CEP128: variants seen among roughly 807,000 people sequenced by gnomAD.
CEP128 encodes centrosomal protein 128.
CEP128 carries 132 observed loss-of-function variants against 156.7 expected under a neutral mutation model. The ratio of observed to expected loss-of-function variants is 0.84; its 90% CI spans 0.73 to 0.97. The LOEUF (loss-of-function observed/expected upper bound fraction) is 0.97, where lower values mean the gene tolerates loss of function less well. Ranked by LOEUF, CEP128 falls within the 50% of genes least tolerant of loss-of-function variation. CEP128 has a pLI of 0.00. For missense variants in CEP128, 1,252 were observed against 1,281.9 expected, an observed-to-expected ratio of 0.98 and a Z score of 0.36; for synonymous variants, 469 against 448.9, an observed-to-expected ratio of 1.04 and a Z score of -0.57.
chr14:80,850,030 TATAA>T (rs750994213), intron 9 of CEP128, among the ~76,000 whole-genome samples: 1 of 152,114 alleles, frequency 6.6e-6, no homozygotes, highest in Admixed American at 6.6e-5. Context: ...TTTTACTAGA[TATAA>T]ATAGTTTCTT....
At chr14:80,810,645 G>T (rs1454810139) in intron 13 of CEP128, among the ~76,000 whole-genome samples, 1 of 151,996 alleles carries the variant, frequency 6.6e-6, no homozygotes, top group African/African-American at 2.4e-5. Context: ...AGTAATGTTG[G>T]TCTTGTACAA....
At chr14:80,543,946 T>C (rs553696574) in intron 21 of CEP128, among the ~76,000 whole-genome samples, 2 of 152,288 alleles carry the variant, frequency 1.3e-5, no homozygotes, top group East Asian at 1.9e-4. Context: ...ACTTCGAGTG[T>C]GCTATGAAAA....
At chr14:80,500,711 G>A (rs186086778) in intron 24 of CEP128, among the ~76,000 whole-genome samples, 2 of 152,038 alleles carry the variant, frequency 1.3e-5, no homozygotes, top group African/African-American at 4.8e-5. Context: ...TTTCATTTTT[G>A]TAAAACATGG....
chr14:80,613,394 CT>C (rs1389787100), intron 19 of CEP128, among the ~76,000 whole-genome samples: 2 of 139,042 alleles, frequency 1.4e-5, no homozygotes, highest in Non-Finnish European at 3.0e-5. Context: ...GCTCCACCTC[CT>C]GGGTTCATGC....
intron 21 of CEP128, among the ~76,000 whole-genome samples, chr14:80,545,898 A>G (rs1338527874): frequency 6.6e-6 from 1 of 152,218 alleles, no homozygotes; most frequent in Non-Finnish European, 1.5e-5. Context: ...CAAGCTTTAA[A>G]AAATACTGGG....
chr14:80,880,834 G>C (rs1429371690), intron 8 of CEP128, among the ~76,000 whole-genome samples: 1 of 147,952 alleles, frequency 6.8e-6, no homozygotes, highest in Non-Finnish European at 1.5e-5. Flanking sequence ...CTGCACTCCA[G>C]CCTGGGCGAC....
At chr14:80,829,117 T>C (rs1462118318) in intron 13 of CEP128, among the ~76,000 whole-genome samples, 1 of 152,144 alleles carries the variant, frequency 6.6e-6, no homozygotes, top group African/African-American at 2.4e-5. Flanking sequence ...ATAAGAACAT[T>C]AGTGATACAG....
At chr14:80,698,103 A>G (rs948189541) in intron 19 of CEP128, among the ~76,000 whole-genome samples, 2 of 151,968 alleles carry the variant, frequency 1.3e-5, no homozygotes, top group Admixed American at 1.3e-4. Context: ...AAATTCTTAA[A>G]AATGTTTTAG....
At chr14:80,922,963 A>G (rs190197127) in intron 2 of CEP128, among the ~76,000 whole-genome samples, 128 of 152,334 alleles carry the variant, frequency 8.4e-4, no homozygotes, top group African/African-American at 2.8e-3. Flanking sequence ...TGGTGCAACA[A>G]AATTTCTTAT....
intron 16 of CEP128, among the ~76,000 whole-genome samples, chr14:80,769,648 G>A (rs1900418333): frequency 6.6e-6 from 1 of 151,932 alleles, no homozygotes; most frequent in Non-Finnish European, 1.5e-5. Flanking sequence ...TCTTAATCCA[G>A]TCTATCATTA....
At chr14:80,559,813 G>C (rs181794790) in intron 20 of CEP128, among the ~76,000 whole-genome samples, 2 of 152,278 alleles carry the variant, frequency 1.3e-5, no homozygotes, top group Admixed American at 1.3e-4. Flanking sequence ...AAATGAGAAA[G>C]ATATGGCACA....
In CEP128 at chr14:80,497,004, C is replaced by T. The variant is rs374772583; in HGVS notation, c.*475G>A. ...GTCTAATGTTATATATGCACATCTC[C>T]ACATGTTATAACACATGATAATTTA... On this transcript the variant is annotated 3_prime_UTR_variant, in exon 25 of 25. Transcript: ENST00000555265. The T allele has an allele frequency of 2.5e-4, 39 of 154,408 alleles. 1 individual carries two copies. The South Asian group carries it at 8.0e-3, about 32-fold the overall frequency. The allele number at this position is 154,408 out of a possible 1,614,324, so 9.6% of individuals were successfully genotyped here. A position where few individuals can be genotyped will look rare whatever the true frequency, so the allele number is the denominator to read the frequency against.
downstream of CEP128, among the ~76,000 whole-genome samples, chr14:80,491,483 T>C (rs553661899): frequency 5.3e-5 from 8 of 152,326 alleles, no homozygotes; most frequent in African/African-American, 1.2e-4. Flanking sequence ...CCGTGTTAGA[T>C]GGCTTTGCTA....
intron 8 of CEP128, among the ~76,000 whole-genome samples, chr14:80,872,247 A>G (rs1351158029): frequency 6.6e-6 from 1 of 152,160 alleles, no homozygotes; most frequent in Non-Finnish European, 1.5e-5. Context: ...CATATGGTAT[A>G]AGGCCTATGC....
intron 19 of CEP128, among the ~76,000 whole-genome samples, chr14:80,662,850 T>C (rs777985829): frequency 6.6e-6 from 1 of 152,212 alleles, no homozygotes; most frequent in East Asian, 1.9e-4. Context: ...GTCCTATATC[T>C]GAGCTGTCAA....
At chr14:80,857,208 GT>G (rs1257113725) in intron 9 of CEP128, among the ~76,000 whole-genome samples, 2 of 126,616 alleles carry the variant, frequency 1.6e-5, no homozygotes, top group Non-Finnish European at 3.4e-5. Context: ...AAAAAAAGTG[GT>G]TTTGGCTTTT....
At chr14:80,659,131 C>A (rs1706582278) in intron 19 of CEP128, among the ~76,000 whole-genome samples, 1 of 152,092 alleles carries the variant, frequency 6.6e-6, no homozygotes, top group Non-Finnish European at 1.5e-5. Flanking sequence ...AAGGAAGTGG[C>A]AAACCTTTTA....
intron 9 of CEP128, among the ~76,000 whole-genome samples, chr14:80,851,320 G>T: frequency 6.6e-6 from 1 of 152,066 alleles, no homozygotes; most frequent in East Asian, 1.9e-4. Flanking sequence ...TAAAAATAGA[G>T]TAATATGATA....
intron 21 of CEP128, among the ~76,000 whole-genome samples, chr14:80,534,945 G>A (rs1889417347): frequency 6.6e-6 from 1 of 151,918 alleles, no homozygotes; most frequent in Admixed American, 6.5e-5. Flanking sequence ...GCTTACAAAG[G>A]GGTTTAAAAT....
Sources: allele counts gnomAD v4.1 joint callset (sites outside exome capture counted in the v4.1 genomes callset), GRCh38; gene constraint gnomAD v4.1.1; transcripts MANE v1.5; gene names NCBI Gene and HGNC (gene_info 2026-07-23, HGNC 2026-07-21).